Variants in OR2AJ1 observed in about 807,000 individuals in gnomAD.
OR2AJ1 encodes olfactory receptor family 2 subfamily AJ member 1, also known as olfactory receptor 2AJ1.
For missense variants in OR2AJ1, 280 were observed against 163.2 expected (o/e 1.72, Z -3.90); for synonymous variants, 105 against 60.3 (o/e 1.74, Z -3.44).
Position 247,934,454 on chromosome 1 carries a change from A to G in OR2AJ1, c.686A>G (p.Lys229Arg). 1.4e-6 allele frequency: 1 copy of G among 717,524 alleles called. No individual in the cohort carries two copies. The allele number at this position is 717,524 out of a possible 1,614,324, so 44.4% of individuals were successfully genotyped here. A position where few individuals can be genotyped will look rare whatever the true frequency, so the allele number is the denominator to read the frequency against. The change falls in exon 2 of 2, where the codon AAA (lysine) becomes AGA (arginine). Residue 229 changes from lysine to arginine, a missense_variant. By Grantham distance (26) the Lys-to-Arg change is conservative. Coordinates refer to ENST00000318244, the MANE Select transcript of OR2AJ1 (RefSeq NM_001355235.2). ...GQIILTVLQM[K>R]SSEARKKSFS... ...ATTATTCTTACTGTCCTCCAGATGA[A>G]ATCATCAGAGGCAAGGAAAAAGTCA...
intron 1 of OR2AJ1, among the ~76,000 whole-genome samples, chr1:247,928,898 T>G (rs1660121794): frequency 6.6e-6 from 1 of 152,020 alleles, no homozygotes; most frequent in African/African-American, 2.4e-5. Context: ...ATCGAGACCA[T>G]CCTGGCTAAC....
rs777168419 is a variant in OR2AJ1, at chr1:247,934,546, A to G, written c.778A>G (p.Met260Val). 10 of 717,472 alleles carry G rather than the reference A, an allele frequency of 1.4e-5. No individual in the cohort carries two copies. The highest frequency in any genetic ancestry group is 1.1e-4 in the East Asian group (4 of 37,286). The allele number at this position is 717,472 out of a possible 1,614,324, so 44.4% of individuals were successfully genotyped here. A position where few individuals can be genotyped will look rare whatever the true frequency, so the allele number is the denominator to read the frequency against. Residue 260 changes from methionine to valine, a missense_variant, in exon 2 of 2, where the codon ATG becomes GTG. Met to Val is a conservative substitution (Grantham distance 21). Coordinates refer to ENST00000318244, the MANE Select transcript of OR2AJ1 (RefSeq NM_001355235.2). ...CTATGGGCCATTTATTTTTACATAT[A>G]TGAGACCTAAATCATACCACACTCC... is the stretch of plus-strand genomic sequence containing the variant. ...MYYGPFIFTY[M>V]RPKSYHTPGQ... is the part of the protein sequence containing the mutation.
intron 1 of OR2AJ1, among the ~76,000 whole-genome samples, chr1:247,931,159 G>A (rs11204565): frequency 0.66 from 99,892 of 151,996 alleles, 34,380 homozygotes; most frequent in Non-Finnish European, 0.77. Flanking sequence ...TTAATCTCCA[G>A]GCTTATAGAA....
intron 1 of OR2AJ1, among the ~76,000 whole-genome samples, chr1:247,926,882 G>A (rs1660096680): frequency 1.3e-5 from 2 of 152,176 alleles, no homozygotes; most frequent in Non-Finnish European, 2.9e-5. Context: ...GATTCTTTGT[G>A]ACAAGCAAGA....
rs1257522882 is a variant in OR2AJ1, at chr1:247,934,760, C to T, written c.*5C>T. On this transcript the variant is annotated 3_prime_UTR_variant, in exon 2 of 2. Transcript: ENST00000318244. ...TTCTGTCTATTTCTATGTTAAATGCCTGAAGGATACTCATGAGAGGTTTCC... is the reference window on the plus strand; with the variant it reads ...TTCTGTCTATTTCTATGTTAAATGCTTGAAGGATACTCATGAGAGGTTTCC... The T allele has an allele frequency of 4.4e-6, 3 of 685,070 alleles. No homozygotes were observed. Among genetic ancestry groups the T allele is most frequent in the Non-Finnish European group, 8.0e-6 (3 of 375,116 alleles). 42.4% of individuals were successfully genotyped at this position (685,070 alleles called of 1,614,324 possible). A position where few individuals can be genotyped will look rare whatever the true frequency, so the allele number is the denominator to read the frequency against.
chr1:247,926,587 A>G (rs1048291813), intron 1 of OR2AJ1, among the ~76,000 whole-genome samples: 7 of 152,160 alleles, frequency 4.6e-5, no homozygotes, highest in African/African-American at 7.2e-5. Context: ...GATGCATACA[A>G]TTTGTGGCCA....
intron 1 of OR2AJ1, among the ~76,000 whole-genome samples, chr1:247,933,426 G>C (rs963453644): frequency 2.6e-4 from 40 of 152,292 alleles, no homozygotes; most frequent in African/African-American, 9.6e-4. Context: ...TTTTTTAAAG[G>C]GTGTGCAAGG....
At chr1:247,931,831 C>T (rs1260205099) in intron 1 of OR2AJ1, among the ~76,000 whole-genome samples, 1 of 152,154 alleles carries the variant, frequency 6.6e-6, no homozygotes, top group Non-Finnish European at 1.5e-5. Context: ...TAAAGTAAAT[C>T]ATTGATTAAA....
At chr1:247,932,066 C>T (rs1051118299) in intron 1 of OR2AJ1, among the ~76,000 whole-genome samples, 1 of 152,150 alleles carries the variant, frequency 6.6e-6, no homozygotes, top group African/African-American at 2.4e-5. Context: ...TGGCTGGGTG[C>T]GGTGGCTCAC....
In OR2AJ1 at chr1:247,933,887, C is replaced by T; in HGVS notation, c.119C>T (p.Thr40Ile). The T allele has an allele frequency of 1.4e-6, 1 of 712,796 alleles. No individual in the cohort carries two copies. Among genetic ancestry groups the T allele is most frequent in the Non-Finnish European group, 2.6e-6 (1 of 382,078 alleles). The allele number at this position is 712,796 out of a possible 1,614,324, so 44.2% of individuals were successfully genotyped here. A position where few individuals can be genotyped will look rare whatever the true frequency, so the allele number is the denominator to read the frequency against. Residue 40 changes from threonine to isoleucine, a missense_variant, in exon 2 of 2, where the codon ACA becomes ATA. By Grantham distance (89) the Thr-to-Ile change is moderately conservative. Transcript: ENST00000318244. ...VLFVIFIMSV[T>I]ENTLMILLIR... Reference sequence around the variant, plus strand: ...TTTGTCATTTTCATTATGAGTGTAACAGAAAATACGCTCATGATCCTCCTC... The same window carrying T: ...TTTGTCATTTTCATTATGAGTGTAATAGAAAATACGCTCATGATCCTCCTC...
At chr1:247,927,410 T>C (rs994395358) in intron 1 of OR2AJ1, among the ~76,000 whole-genome samples, 10 of 152,058 alleles carry the variant, frequency 6.6e-5, no homozygotes, top group Non-Finnish European at 1.5e-4. Flanking sequence ...TACAAATTTA[T>C]GGGGTACAGA....
At chr1:247,932,332 T>A (rs574611405) in intron 1 of OR2AJ1, among the ~76,000 whole-genome samples, 4 of 152,126 alleles carry the variant, frequency 2.6e-5, no homozygotes, top group Non-Finnish European at 2.9e-5. Context: ...CAAGACTCTG[T>A]CTCAAAAACA....
chr1:247,929,598 C>T lies in OR2AJ1; in HGVS notation c.-22-4149C>T, dbSNP rs987391500. 3.7e-4 allele frequency among the ~76,000 whole-genome samples: 15 copies of T among 40,214 alleles called. No individual in the cohort carries two copies. In the East Asian group the frequency reaches 5.4e-3, roughly 14 times the overall value. The allele number at this position is 40,214 out of a possible 152,430, so 26.4% of individuals were successfully genotyped here. A position where few individuals can be genotyped will look rare whatever the true frequency, so the allele number is the denominator to read the frequency against. ...CCAGGCTCTATTCCCCCCCTTCACTCGGTGTGTGTGTGTGTGTGTGTGTGT... is the reference window on the plus strand; with the variant it reads ...CCAGGCTCTATTCCCCCCCTTCACTTGGTGTGTGTGTGTGTGTGTGTGTGT... On this transcript the variant is annotated intron_variant, in intron 1 of 1. Transcript: ENST00000318244.
At chr1:247,933,677 G>C in intron 1 of OR2AJ1, 70 bp from the exon 2 acceptor site, 1 of 531,238 alleles carries the variant, frequency 1.9e-6, no homozygotes, top group Non-Finnish European at 3.4e-6. Context: ...TATTATGCAG[G>C]TATATTATTG....
At chr1:247,929,906 A>T (rs1166773672) in intron 1 of OR2AJ1, among the ~76,000 whole-genome samples, 1 of 152,312 alleles carries the variant, frequency 6.6e-6, no homozygotes, top group Middle Eastern at 3.4e-3. Flanking sequence ...TCAATAGCAT[A>T]CGAATTCCTG....
intron 1 of OR2AJ1, among the ~76,000 whole-genome samples, chr1:247,930,156 TTTGTC>T (rs1647975918): frequency 1.3e-5 from 2 of 152,166 alleles, no homozygotes; most frequent in South Asian, 2.1e-4. Flanking sequence ...GTGATTTTCT[TTTGTC>T]TTGTGCTTGT....
chr1:247,929,716 A>G (rs908553310), intron 1 of OR2AJ1, among the ~76,000 whole-genome samples: 1 of 151,950 alleles, frequency 6.6e-6, no homozygotes. Flanking sequence ...CATTTCATAG[A>G]AATTCATTTC....
intron 1 of OR2AJ1, among the ~76,000 whole-genome samples, chr1:247,927,414 G>T (rs910145022): frequency 6.6e-6 from 1 of 151,518 alleles, no homozygotes; most frequent in African/African-American, 2.4e-5. Context: ...AATTTATGGG[G>T]TACAGAGTGA....
At chr1:247,931,496 G>T (rs187536956) in intron 1 of OR2AJ1, among the ~76,000 whole-genome samples, 1 of 152,292 alleles carries the variant, frequency 6.6e-6, no homozygotes, top group Non-Finnish European at 1.5e-5. Context: ...ATGAAAAAAA[G>T]TTGCAGAAAT....
Sources: allele counts gnomAD v4.1 joint callset (sites outside exome capture counted in the v4.1 genomes callset), GRCh38; gene constraint gnomAD v4.1.1; transcripts MANE v1.5; gene names NCBI Gene and HGNC (gene_info 2026-07-23, HGNC 2026-07-21).